The following PCDH15 variants were observed in gnomAD, a reference collection of about 807,000 sequenced individuals.
PCDH15 encodes the protein protocadherin related 15, also known as protocadherin-15.
PCDH15 carries 129 observed loss-of-function variants against 178.5 expected under a neutral mutation model. The observed-to-expected ratio is 0.72, with a 90% CI of 0.63 to 0.84. PCDH15 has a LOEUF of 0.84. PCDH15 is among the 40% of genes least tolerant of loss of function. The pLI is 0.00. For synonymous variants in PCDH15, 800 were observed against 732.0 expected (o/e 1.09, Z -1.50); for missense variants, 2,230 against 2,099.9 (o/e 1.06, Z -1.21).
chr10:55,226,584 G>C (rs573388160), intron 1 of PCDH15, among the ~76,000 whole-genome samples: 8 of 151,870 alleles, frequency 5.3e-5, no homozygotes, highest in African/African-American at 1.9e-4. Context: ...GTTTCATCAT[G>C]TTGGCCAGGC....
chr10:54,892,906 T>C (rs1954487323), intron 3 of PCDH15, among the ~76,000 whole-genome samples: 1 of 151,866 alleles, frequency 6.6e-6, no homozygotes, highest in Admixed American at 6.6e-5. Context: ...AAGATATTTT[T>C]CCTCAATTTA....
intron 17 of PCDH15, among the ~76,000 whole-genome samples, chr10:54,071,214 A>G (rs1417974814): frequency 6.6e-6 from 1 of 152,150 alleles, no homozygotes; most frequent in African/African-American, 2.4e-5. Flanking sequence ...AAATAATACA[A>G]TTTTCATTTC....
rs397517465 is a variant in PCDH15 at position 53,822,433 on chromosome 10, GAGGAGCAGGAGC to G, written c.4368-2215_4368-2204del. On this transcript the variant is annotated intron_variant, in intron 32 of 37. Coordinates refer to ENST00000644397, the MANE Select transcript of PCDH15 (RefSeq NM_001384140.1). The stretch of plus-strand genomic sequence containing the variant: ...GGAGAAATGTCAGGAGGAGGAGCAA[GAGGAGCAGGAGC>G]AGGAGGAGGAGAAGGAGGAGAAATA... 1.4e-5 allele frequency: 22 copies of G among 1,588,876 alleles called. No homozygotes were observed. The highest frequency in any genetic ancestry group is 1.8e-5 in the Admixed American group (1 of 56,850).
At chr10:55,494,027 G>A (rs992436225) in intron 2 of PCDH15, among the ~76,000 whole-genome samples, 4 of 151,674 alleles carry the variant, frequency 2.6e-5, no homozygotes, top group African/African-American at 4.8e-5. Flanking sequence ...TTGTTTTATG[G>A]TCTAACACAT....
At chr10:54,177,430 G>A (rs558011271) in intron 13 of PCDH15, among the ~76,000 whole-genome samples, 1 of 152,176 alleles carries the variant, frequency 6.6e-6, no homozygotes, top group South Asian at 2.1e-4. Context: ...GACTTTGGAT[G>A]ATAACAATGT....
At chr10:54,250,375 C>T (rs914919583) in intron 8 of PCDH15, among the ~76,000 whole-genome samples, 3 of 150,212 alleles carry the variant, frequency 2.0e-5, no homozygotes, top group African/African-American at 4.9e-5. Context: ...CTCTGCCTCC[C>T]GGGTTCACGC....
chr10:55,284,738 G>A (rs2441770), intron 1 of PCDH15, among the ~76,000 whole-genome samples: 56,824 of 151,578 alleles, frequency 0.37, 10,980 homozygotes, highest in Middle Eastern at 0.46. Flanking sequence ...AAGTTTTCAC[G>A]TCACATGTAA....
chr10:54,846,620 A>G (rs1330843355), intron 3 of PCDH15, among the ~76,000 whole-genome samples: 1 of 152,172 alleles, frequency 6.6e-6, no homozygotes, highest in Non-Finnish European at 1.5e-5. Context: ...TTTGTTTAAC[A>G]GTGCAGCTTT....
chr10:54,067,964 TA>T (rs1191805836), intron 17 of PCDH15, among the ~76,000 whole-genome samples: 1 of 143,142 alleles, frequency 7.0e-6, no homozygotes, highest in Non-Finnish European at 1.6e-5. Context: ...TGATTTTTTT[TA>T]TTTTTTATTT....
intron 2 of PCDH15, among the ~76,000 whole-genome samples, chr10:55,421,554 T>C (rs1020379169): frequency 6.6e-6 from 1 of 150,484 alleles, no homozygotes; most frequent in African/African-American, 2.4e-5. Context: ...ATATCTGGAA[T>C]TCAAATATTA....
chr10:54,302,517 G>A (rs1054073792), intron 8 of PCDH15, among the ~76,000 whole-genome samples: 2 of 152,190 alleles, frequency 1.3e-5, no homozygotes, highest in Admixed American at 6.5e-5. Context: ...AGAGAGACCC[G>A]TCGCACATTC....
chr10:54,013,074 A>T (rs148544255), intron 20 of PCDH15, among the ~76,000 whole-genome samples: 5 of 152,212 alleles, frequency 3.3e-5, no homozygotes, highest in African/African-American at 1.2e-4. Flanking sequence ...AAGTCCACCA[A>T]GAAAACAGAA....
At chr10:55,008,235 C>A in intron 2 of PCDH15, among the ~76,000 whole-genome samples, 1 of 142,942 alleles carries the variant, frequency 7.0e-6, no homozygotes, top group African/African-American at 2.5e-5. Context: ...TCTGGAGCAC[C>A]ATGTAGATAA....
intron 8 of PCDH15, among the ~76,000 whole-genome samples, chr10:54,242,197 C>CAT (rs2055469829): frequency 1.6e-5 from 2 of 123,248 alleles, no homozygotes; most frequent in East Asian, 2.4e-4. Flanking sequence ...TACACACACA[C>CAT]ACATACATAC....
chr10:54,984,851 TA>T (rs1052099249), intron 2 of PCDH15, among the ~76,000 whole-genome samples: 2 of 152,168 alleles, frequency 1.3e-5, no homozygotes, highest in African/African-American at 2.4e-5. Context: ...AAAATTTTTT[TA>T]AAGACAGTTT....
intron 2 of PCDH15, among the ~76,000 whole-genome samples, chr10:55,416,809 G>A (rs570874207): frequency 1.4e-4 from 21 of 151,810 alleles, no homozygotes; most frequent in African/African-American, 5.1e-4. Flanking sequence ...AGACATCTAA[G>A]CTAGTGTCTG....
chr10:54,930,194 A>T (rs1220043299), intron 2 of PCDH15, among the ~76,000 whole-genome samples: 1 of 152,146 alleles, frequency 6.6e-6, no homozygotes, highest in Non-Finnish European at 1.5e-5. Flanking sequence ...TAAAAAATCC[A>T]TTTGCATAAT....
intron 2 of PCDH15, among the ~76,000 whole-genome samples, chr10:55,611,020 A>G (rs1843355249): frequency 1.3e-5 from 2 of 152,174 alleles, no homozygotes; most frequent in Non-Finnish European, 1.5e-5. Flanking sequence ...AATATTTGAG[A>G]TCATTTCAGT....
At chr10:53,855,405 A>G (rs189208837) in intron 28 of PCDH15, among the ~76,000 whole-genome samples, 14 of 152,176 alleles carry the variant, frequency 9.2e-5, no homozygotes, top group African/African-American at 3.1e-4. Context: ...GGCTCAGTGT[A>G]TATAAACTAC....
Sources: gnomAD v4.1 joint callset for allele counts (sites outside exome capture counted in the v4.1 genomes callset) on GRCh38, gnomAD v4.1.1 for gene constraint, MANE v1.5 for transcripts, NCBI Gene and HGNC (gene_info 2026-07-23, HGNC 2026-07-21) for gene names.